ADGRL3: variants seen among roughly 807,000 people sequenced by gnomAD.
ADGRL3 encodes adhesion G protein-coupled receptor L3.
Under a neutral mutation model 153.5 loss-of-function variants are expected in ADGRL3, and 62 were observed. The ratio of observed to expected loss-of-function variants is 0.40; its 90% CI spans 0.33 to 0.50. The LOEUF (loss-of-function observed/expected upper bound fraction) is 0.50, where lower values mean the gene tolerates loss of function less well. Among genes scored for constraint, ADGRL3 ranks in the 20% least tolerant of loss-of-function variants. ADGRL3 has a pLI of 0.47. For synonymous variants in ADGRL3, 710 were observed against 672.5 expected (o/e 1.06, Z -0.86); for missense variants, 1,641 against 1,859.4 (o/e 0.88, Z 2.16).
At chr4:61,924,327 CT>C (rs1353810509) in intron 13 of ADGRL3, among the ~76,000 whole-genome samples, 2 of 152,108 alleles carry the variant, frequency 1.3e-5, no homozygotes, top group Admixed American at 6.6e-5. Flanking sequence ...GGAGTGCCCC[CT>C]AGCACAATAG....
chr4:61,715,065 T>C (rs2096079102), intron 6 of ADGRL3, among the ~76,000 whole-genome samples: 1 of 152,236 alleles, frequency 6.6e-6, no homozygotes, highest in African/African-American at 2.4e-5. Context: ...TTTGGTAGAA[T>C]GTTAATTATC....
intron 5 of ADGRL3, among the ~76,000 whole-genome samples, chr4:61,657,062 A>G (rs567612875): frequency 2.6e-5 from 4 of 152,268 alleles, no homozygotes; most frequent in African/African-American, 9.6e-5. Context: ...TTATTTATCA[A>G]ATGGATTAAA....
intron 9 of ADGRL3, among the ~76,000 whole-genome samples, chr4:61,821,509 T>C (rs1172679354): frequency 6.6e-6 from 1 of 152,038 alleles, no homozygotes; most frequent in Non-Finnish European, 1.5e-5. Context: ...ATTACAGGCA[T>C]GCACCACCAT....
chr4:61,389,998 A>G (rs747246577), intron 2 of ADGRL3, among the ~76,000 whole-genome samples: 36 of 152,296 alleles, frequency 2.4e-4, no homozygotes, highest in Admixed American at 8.5e-4. Context: ...TTTCCCTCCA[A>G]AACAAAAATA....
intron 5 of ADGRL3, among the ~76,000 whole-genome samples, chr4:61,635,891 A>G (rs552391986): frequency 2.0e-5 from 3 of 152,178 alleles, no homozygotes; most frequent in Non-Finnish European, 4.4e-5. Context: ...AAGGACACCA[A>G]TTGTATTGGA....
chr4:61,822,478 A>G (rs1210794692), intron 9 of ADGRL3, among the ~76,000 whole-genome samples: 1 of 152,192 alleles, frequency 6.6e-6, no homozygotes, highest in Non-Finnish European at 1.5e-5. Context: ...ATACTTTATA[A>G]TACTAATAGA....
chr4:61,367,972 A>G (rs2096439752), intron 1 of ADGRL3, among the ~76,000 whole-genome samples: 2 of 151,216 alleles, frequency 1.3e-5, no homozygotes, highest in African/African-American at 2.4e-5. Context: ...TTCGATTTGC[A>G]TTTCTCTGAT....
intron 13 of ADGRL3, among the ~76,000 whole-genome samples, chr4:61,930,004 T>C (rs2098810979): frequency 6.6e-6 from 1 of 151,974 alleles, no homozygotes; most frequent in Non-Finnish European, 1.5e-5. Context: ...TGAAACCCTG[T>C]CTGTACTAAA....
intron 5 of ADGRL3, among the ~76,000 whole-genome samples, chr4:61,609,168 T>A (rs1375098906): frequency 1.3e-5 from 2 of 152,138 alleles, no homozygotes; most frequent in Non-Finnish European, 2.9e-5. Context: ...TATTGGTTAG[T>A]CTGTTCGCCA....
chr4:61,210,477 A>G (rs2148840651), intron 1 of ADGRL3, among the ~76,000 whole-genome samples: 1 of 152,214 alleles, frequency 6.6e-6, no homozygotes, highest in South Asian at 2.1e-4. Flanking sequence ...ACTAAAATGC[A>G]TTCCATTGAC....
intron 8 of ADGRL3, among the ~76,000 whole-genome samples, chr4:61,740,089 T>G (rs1297099226): frequency 6.6e-6 from 1 of 152,226 alleles, no homozygotes; most frequent in Non-Finnish European, 1.5e-5. Context: ...CATTAGCACT[T>G]GAGTACAAAG....
chr4:61,957,111 A>G (rs1051171373), intron 17 of ADGRL3, among the ~76,000 whole-genome samples: 3 of 152,144 alleles, frequency 2.0e-5, no homozygotes, highest in Non-Finnish European at 2.9e-5. Flanking sequence ...CATTGAATCT[A>G]TAGATTACTT....
intron 2 of ADGRL3, among the ~76,000 whole-genome samples, chr4:61,384,362 ATAT>A (rs1173299064): frequency 6.6e-6 from 1 of 151,624 alleles, no homozygotes; most frequent in African/African-American, 2.4e-5. Context: ...CAAACAATTA[ATAT>A]TATTTCCTTC....
intron 2 of ADGRL3, among the ~76,000 whole-genome samples, chr4:61,412,664 T>G (rs2097101699): frequency 3.3e-5 from 5 of 152,184 alleles, no homozygotes; most frequent in Admixed American, 6.5e-5. Context: ...TGCTGTATCC[T>G]AAAGTTAGCT....
chr4:61,460,701 A>C (rs1244424334), intron 2 of ADGRL3, among the ~76,000 whole-genome samples: 7 of 152,152 alleles, frequency 4.6e-5, no homozygotes, highest in African/African-American at 1.7e-4. Context: ...GGTGGAAGGC[A>C]AAGGAGGAGA....
chr4:61,346,933 T>C (rs2095926282), intron 1 of ADGRL3, among the ~76,000 whole-genome samples: 1 of 152,060 alleles, frequency 6.6e-6, no homozygotes. Context: ...ACTGTGACTG[T>C]GAGGTTCCAA....
intron 17 of ADGRL3, among the ~76,000 whole-genome samples, chr4:61,964,506 ACT>A (rs2098999049): frequency 1.3e-5 from 2 of 151,776 alleles, no homozygotes; most frequent in African/African-American, 4.8e-5. Flanking sequence ...GAAGTGACAG[ACT>A]CTTTTTTTTC....
intron 23 of ADGRL3, among the ~76,000 whole-genome samples, chr4:62,037,317 C>T (rs944955886): frequency 6.6e-6 from 1 of 152,108 alleles, no homozygotes. Flanking sequence ...ACCCCAGTCT[C>T]TGTAACTTCC....
At chr4:61,829,933 A>G (rs888942741) in intron 9 of ADGRL3, among the ~76,000 whole-genome samples, 1 of 152,066 alleles carries the variant, frequency 6.6e-6, no homozygotes, top group Admixed American at 6.6e-5. Context: ...TTGGGAGGCC[A>G]TGGCAGGAGG....
Sources: gnomAD v4.1 joint callset for allele counts (sites outside exome capture counted in the v4.1 genomes callset) on GRCh38, gnomAD v4.1.1 for gene constraint, MANE v1.5 for transcripts, NCBI Gene and HGNC (gene_info 2026-07-23, HGNC 2026-07-21) for gene names.